Variants in DUSP22 observed in about 807,000 individuals in gnomAD.
DUSP22 encodes dual specificity protein phosphatase 22.
A neutral mutation model predicts 24.5 loss-of-function variants in DUSP22; 24 were observed. The observed-to-expected ratio is 0.98, with a 90% CI of 0.71 to 1.38. The LOEUF (loss-of-function observed/expected upper bound fraction) is 1.38. DUSP22 is among the 40% of genes most tolerant of loss of function. The probability of loss-of-function intolerance (pLI) is 0.00; values close to 1 mark genes in which losing one functional copy is unlikely to be tolerated. For synonymous variants in DUSP22, 160 were observed against 106.4 expected (o/e 1.50, Z -3.10); for missense variants, 330 against 269.2 (o/e 1.23, Z -1.58).
At chr6:304,258 GT>G (rs1225424311) in intron 1 of DUSP22, among the ~76,000 whole-genome samples, 1 of 152,312 alleles carries the variant, frequency 6.6e-6, no homozygotes, top group East Asian at 1.9e-4. Flanking sequence ...ACCGCCTGCA[GT>G]GGGCACCGTG....
In DUSP22 at chr6:294,248, A is replaced by G. The variant is rs1006185805; in HGVS notation, c.21+1688A>G. Among the ~76,000 whole-genome samples, 12 of 152,414 alleles carry G rather than the reference A, an allele frequency of 7.9e-5. No homozygotes were observed. The South Asian group carries it at 2.5e-3, about 32-fold the overall frequency. On this transcript the variant is annotated intron_variant, in intron 1 of 6. Coordinates refer to ENST00000419235, the MANE Select transcript of DUSP22 (RefSeq NM_001286555.3). ...TATTATCTTGTGAATAGAGACTCAC[A>G]GTGTATCAATGAAGAAATACATGTA...
intron 3 of DUSP22, among the ~76,000 whole-genome samples, chr6:314,119 G>A (rs528704706): frequency 1.2e-3 from 179 of 152,360 alleles, no homozygotes; most frequent in African/African-American, 4.1e-3. Context: ...GAGAAATGGG[G>A]CAGGGAATGA....
chr6:304,531 G>A (rs567730576), intron 1 of DUSP22, 97 bp from the exon 2 acceptor site: 40 of 1,564,644 alleles, frequency 2.6e-5, no homozygotes, highest in Non-Finnish European at 3.3e-5. Context: ...GAAGCACCTG[G>A]CCTTTGCAGG....
intron 3 of DUSP22, among the ~76,000 whole-genome samples, chr6:327,302 G>A (rs113388125): frequency 0.073 from 10,836 of 149,166 alleles, 38 homozygotes; most frequent in Non-Finnish European, 0.11. Context: ...CACTCACCAC[G>A]TCCAGCAGAG....
intron 1 of DUSP22, 60 bp from the exon 2 acceptor site, chr6:304,568 T>C: frequency 6.2e-7 from 1 of 1,612,326 alleles, no homozygotes; most frequent in Non-Finnish European, 8.5e-7. Context: ...GAGGCCCCCT[T>C]CTGCAATACC....
intron 3 of DUSP22, among the ~76,000 whole-genome samples, chr6:333,572 C>G (rs1266122866): frequency 1.3e-5 from 2 of 152,298 alleles, no homozygotes; most frequent in African/African-American, 4.8e-5. Flanking sequence ...AGATCCTGCT[C>G]TGACTCAGTT....
intron 3 of DUSP22, among the ~76,000 whole-genome samples, chr6:327,907 T>C (rs897633716): frequency 1.3e-5 from 2 of 152,286 alleles, no homozygotes; most frequent in African/African-American, 4.8e-5. Context: ...GAGGGAGAGA[T>C]CATGGATGTG....
chr6:326,503 G>A lies in DUSP22; in HGVS notation c.139-8611G>A, dbSNP rs540249284. Among the ~76,000 whole-genome samples the A allele has an allele frequency of 5.0e-4, 54 of 108,924 alleles. No individual in the cohort carries two copies. In the South Asian group the frequency reaches 0.014, roughly 28 times the overall value. The allele number at this position is 108,924 out of a possible 152,430, so 71.5% of individuals were successfully genotyped here. On this transcript the variant is annotated intron_variant, in intron 3 of 6. Transcript: ENST00000419235. Reference sequence around the variant, plus strand: ...TGCTGTATCTGCGGGTGCCTGGAGAGTCATCTGCCCTGGGCTTCCGCGTCC... The same window carrying A: ...TGCTGTATCTGCGGGTGCCTGGAGAATCATCTGCCCTGGGCTTCCGCGTCC...
intron 2 of DUSP22, among the ~76,000 whole-genome samples, chr6:309,679 A>AACAGACACACACACACACAC (rs1554099005): frequency 1.4e-5 from 2 of 138,430 alleles, no homozygotes; most frequent in African/African-American, 5.2e-5. Flanking sequence ...ACTCATGTAG[A>AACAGACACACACACACACAC]ACACACACAC....
At chr6:333,768 C>T (rs1260841730) in intron 3 of DUSP22, among the ~76,000 whole-genome samples, 7 of 152,300 alleles carry the variant, frequency 4.6e-5, no homozygotes, top group Non-Finnish European at 7.3e-5. Flanking sequence ...ATGTGCTCTG[C>T]CCCCGCCCTG....
intron 2 of DUSP22, 110 bp downstream of exon 2, chr6:304,771 G>A (rs1357843095): frequency 1.4e-6 from 2 of 1,467,756 alleles, no homozygotes; most frequent in African/African-American, 1.4e-5. Context: ...TTGCATTGCT[G>A]TGCAGCCATC....
chr6:350,357 T>C lies in DUSP22; in HGVS notation c.*1406T>C. ...CGCAATTCAGTGGTCTAGTCCTTTA[T>C]ACCGACTCAGATTCCTTAAGCATGC... On this transcript the variant is annotated 3_prime_UTR_variant, in exon 7 of 7. Transcript: ENST00000419235. The C allele has an allele frequency of 9.4e-7, 1 of 1,062,076 alleles. No individual in the cohort carries two copies. Among genetic ancestry groups the C allele is most frequent in the Non-Finnish European group, 1.1e-6 (1 of 877,162 alleles). The allele number at this position is 1,062,076 out of a possible 1,614,324, so 65.8% of individuals were successfully genotyped here.
chr6:345,162 T>C (rs1759800633), intron 4 of DUSP22, among the ~76,000 whole-genome samples: 1 of 152,294 alleles, frequency 6.6e-6, no homozygotes, highest in Non-Finnish European at 1.5e-5. Context: ...GACCAGGTTT[T>C]GATGGTATGG....
chr6:336,383 A>G (rs1304209466), intron 4 of DUSP22, among the ~76,000 whole-genome samples: 1 of 152,298 alleles, frequency 6.6e-6, no homozygotes, highest in Non-Finnish European at 1.5e-5. Context: ...TGGTGCACGC[A>G]CACCCTATGG....
chr6:350,085 T>C lies in DUSP22; in HGVS notation c.*1134T>C. The C allele has an allele frequency of 1.0e-6, 1 of 985,724 alleles. No homozygotes were observed. The highest frequency in any genetic ancestry group is 1.2e-6 in the Non-Finnish European group (1 of 830,076). The allele number at this position is 985,724 out of a possible 1,614,324, so 61.1% of individuals were successfully genotyped here. The stretch of plus-strand genomic sequence containing the variant: ...ATTCACTTGGGTTTGATAATTGATC[T>C]GAGCTACCTCATTGAATGTTTTTGG... On this transcript the variant is annotated 3_prime_UTR_variant, in exon 7 of 7. Coordinates refer to ENST00000419235, the MANE Select transcript of DUSP22 (RefSeq NM_001286555.3).
intron 5 of DUSP22, among the ~76,000 whole-genome samples, chr6:347,442 TG>T (rs1220214156): frequency 2.6e-5 from 4 of 152,428 alleles, no homozygotes; most frequent in African/African-American, 7.2e-5. Flanking sequence ...ACAGCCATTC[TG>T]TGACCGCCTT....
intron 1 of DUSP22, among the ~76,000 whole-genome samples, chr6:294,371 G>A (rs1375923424): frequency 1.3e-5 from 2 of 152,250 alleles, no homozygotes; most frequent in African/African-American, 2.4e-5. Flanking sequence ...GGCAAAGGGA[G>A]TACAGTGGTA....
chr6:301,209 T>C (rs1757566887), intron 1 of DUSP22, among the ~76,000 whole-genome samples: 1 of 152,196 alleles, frequency 6.6e-6, no homozygotes, highest in African/African-American at 2.4e-5. Context: ...GGAAAACCAA[T>C]AAGATAAATG....
Position 348,841 on chromosome 6 carries a change from G to A in DUSP22, c.508G>A (p.Gly170Ser), listed in dbSNP as rs1366120560. ...TGCAGAAGAAGCCAAAAACATTCTGGGTAAATATAAGGAGCAAGGGCGCAC... is the reference window on the plus strand; with the variant it reads ...TGCAGAAGAAGCCAAAAACATTCTGAGTAAATATAAGGAGCAAGGGCGCAC... ...QDAEEAKNIL[G>S]KYKEQGRTEP... Residue 170 changes from glycine to serine, a missense_variant, in exon 7 of 7, where the codon GGT (glycine) becomes AGT (serine). Gly to Ser is a moderately conservative substitution (Grantham distance 56). Transcript: ENST00000419235. 1 of 1,614,308 alleles carries A rather than the reference G, an allele frequency of 6.2e-7. No homozygotes were observed. The highest frequency in any genetic ancestry group is 8.5e-7 in the Non-Finnish European group (1 of 1,180,052).
Sources: allele counts gnomAD v4.1 joint callset (sites outside exome capture counted in the v4.1 genomes callset), GRCh38; gene constraint gnomAD v4.1.1; transcripts MANE v1.5; gene names NCBI Gene and HGNC (gene_info 2026-07-23, HGNC 2026-07-21).